Variants in ZNF438 observed in about 807,000 individuals in gnomAD.
ZNF438 encodes zinc finger protein 438.
In ZNF438, 25 loss-of-function variants were observed where a neutral mutation model predicts 38.0. The observed-to-expected ratio is 0.66, with a 90% CI of 0.48 to 0.92. The LOEUF (loss-of-function observed/expected upper bound fraction) is 0.92. Ranked by LOEUF, ZNF438 falls within the 40% of genes least tolerant of loss-of-function variation. The probability of loss-of-function intolerance (pLI) is 0.00; values close to 1 mark genes in which losing one functional copy is unlikely to be tolerated. For synonymous variants in ZNF438, 372 were observed against 364.1 expected, an observed-to-expected ratio of 1.02 and a Z score of -0.25; for missense variants, 1,007 against 999.6, an observed-to-expected ratio of 1.01 and a Z score of -0.10.
chr10:30,861,198 T>C (rs1022318007), intron 4 of ZNF438, among the ~76,000 whole-genome samples: 61 of 152,326 alleles, frequency 4.0e-4, no homozygotes, highest in African/African-American at 1.4e-3. Flanking sequence ...ACATAACCTA[T>C]GCATACCTCC....
intron 3 of ZNF438, among the ~76,000 whole-genome samples, chr10:30,878,818 C>T (rs1016928545): frequency 4.6e-5 from 7 of 152,176 alleles, no homozygotes; most frequent in African/African-American, 1.4e-4. Context: ...TGAACCCACT[C>T]GCTTGCTCAC....
chr10:30,957,049 C>T (rs1456525307), intron 1 of ZNF438, among the ~76,000 whole-genome samples: 1 of 152,138 alleles, frequency 6.6e-6, no homozygotes, highest in African/African-American at 2.4e-5. Context: ...ACATCCTTGC[C>T]AGGACTTGTT....
At chr10:30,975,914 AAC>A (rs2051286424) in intron 1 of ZNF438, among the ~76,000 whole-genome samples, 2 of 152,096 alleles carry the variant, frequency 1.3e-5, no homozygotes, top group Admixed American at 6.5e-5. Context: ...ATAATTTAGT[AAC>A]AGTCTTGAGT....
At position 30,849,624 on chromosome 10, in the gene ZNF438, C is replaced by CT. The variant is rs1163739530; in HGVS notation, c.780dup (p.Glu261ArgfsTer4). 9 of 1,614,016 alleles carry CT rather than the reference C, an allele frequency of 5.6e-6. No individual in the cohort carries two copies. Among genetic ancestry groups the CT allele is most frequent in the Middle Eastern group, 1.6e-4 (1 of 6,084 alleles). On this transcript the variant is annotated frameshift_variant, in exon 5 of 6. Transcript: ENST00000413025. LOFTEE classifies it high-confidence loss of function. ...ATGGTTTTTGCAAGATCAACTTGTT[C>CT]TTTAAATTTTTCACTGGCAACAGCA...
At chr10:30,949,081 G>A (rs2047821096) in intron 1 of ZNF438, among the ~76,000 whole-genome samples, 1 of 152,182 alleles carries the variant, frequency 6.6e-6, no homozygotes, top group South Asian at 2.1e-4. Context: ...CCAGAAGAGA[G>A]TGGGGGCCAA....
Position 31,017,629 on chromosome 10 carries a change from C to T in ZNF438, c.-192+14204G>A, listed in dbSNP as rs186113512. 4.3e-3 allele frequency among the ~76,000 whole-genome samples: 648 copies of T among 152,310 alleles called. 1 individual carries two copies. Among genetic ancestry groups the T allele is most frequent in the Non-Finnish European group, 7.9e-3 (538 of 68,022 alleles). On this transcript the variant is annotated intron_variant, in intron 1 of 5. Transcript: ENST00000413025. ...CTGTTTTATCTGCTGGCCTCTGTGA[C>T]GCAGCCATCGCTCCCTCTCTTCAAC...
At chr10:30,883,493 A>G (rs1283385523) in intron 3 of ZNF438, among the ~76,000 whole-genome samples, 1 of 152,188 alleles carries the variant, frequency 6.6e-6, no homozygotes, top group Non-Finnish European at 1.5e-5. Flanking sequence ...ATTAGGGTAT[A>G]TTTTTATAAT....
intron 1 of ZNF438, among the ~76,000 whole-genome samples, chr10:30,943,967 T>G (rs1279663866): frequency 6.6e-6 from 1 of 152,088 alleles, no homozygotes; most frequent in African/African-American, 2.4e-5. Flanking sequence ...AAGATCAAAG[T>G]TCTAATAACT....
At chr10:30,993,788 C>CT (rs1336531856) in intron 1 of ZNF438, among the ~76,000 whole-genome samples, 1 of 152,246 alleles carries the variant, frequency 6.6e-6, no homozygotes, top group African/African-American at 2.4e-5. Context: ...CCAACTGTAA[C>CT]CTACAAGGGC....
At chr10:30,990,145 G>C (rs1285346223) in intron 1 of ZNF438, among the ~76,000 whole-genome samples, 1 of 152,106 alleles carries the variant, frequency 6.6e-6, no homozygotes, top group Non-Finnish European at 1.5e-5. Flanking sequence ...ACCTTTAAGA[G>C]ATGATAGAGA....
Position 30,944,368 on chromosome 10 carries a change from G to A in ZNF438, c.-191-2717C>T, listed in dbSNP as rs191791950. ...CTCTATAAACAAAACTGACATTTTC[G>A]TTCTTATCTTAAGTCTACTTCTTAA... On this transcript the variant is annotated intron_variant, in intron 1 of 5. Coordinates refer to ENST00000413025, the Ensembl canonical transcript of ZNF438. Among the ~76,000 whole-genome samples, 26 of 152,196 alleles carry A rather than the reference G, an allele frequency of 1.7e-4. No individual in the cohort carries two copies. The Middle Eastern group carries it at 0.017, about 100-fold the overall frequency.
chr10:31,007,476 T>C (rs2055263141), intron 1 of ZNF438, among the ~76,000 whole-genome samples: 1 of 152,040 alleles, frequency 6.6e-6, no homozygotes, highest in Admixed American at 6.5e-5. Context: ...GAGACAGGGT[T>C]TCATCATGTT....
chr10:31,019,133 T>G (rs539900646), intron 1 of ZNF438, among the ~76,000 whole-genome samples: 1 of 152,280 alleles, frequency 6.6e-6, no homozygotes, highest in East Asian at 1.9e-4. Flanking sequence ...CAATCTATTC[T>G]CCATAGTCAT....
chr10:30,858,873 TGA>T (rs1488310412), intron 4 of ZNF438, among the ~76,000 whole-genome samples: 3 of 152,172 alleles, frequency 2.0e-5, no homozygotes, highest in Non-Finnish European at 2.9e-5. Flanking sequence ...CACAGGCCTT[TGA>T]GATTTGTCTT....
At chr10:30,955,934 A>G (rs1289936419) in intron 1 of ZNF438, among the ~76,000 whole-genome samples, 2 of 152,240 alleles carry the variant, frequency 1.3e-5, no homozygotes, top group Non-Finnish European at 2.9e-5. Flanking sequence ...TGCAAAGTTC[A>G]TTATAAGGTA....
chr10:30,855,921 A>G (rs2034543856), intron 4 of ZNF438, among the ~76,000 whole-genome samples: 1 of 152,266 alleles, frequency 6.6e-6, no homozygotes, highest in Non-Finnish European at 1.5e-5. Context: ...CTAAGAAGTC[A>G]GGAATGGGAT....
At chr10:30,845,710 C>G in intron 5 of ZNF438, 137 bp from the exon 7 acceptor site, 2 of 982,634 alleles carry the variant, frequency 2.0e-6, no homozygotes, top group Non-Finnish European at 2.9e-6. Flanking sequence ...ACAGAGAGCA[C>G]CTGGGAAGAC....
intron 3 of ZNF438, among the ~76,000 whole-genome samples, chr10:30,898,576 A>G (rs1204982685): frequency 1.3e-5 from 2 of 152,120 alleles, no homozygotes; most frequent in Non-Finnish European, 2.9e-5. Context: ...TAATACATAC[A>G]TAACTACATA....
chr10:31,008,186 A>AT (rs1476573918), intron 1 of ZNF438, among the ~76,000 whole-genome samples: 1 of 152,238 alleles, frequency 6.6e-6, no homozygotes, highest in Non-Finnish European at 1.5e-5. Flanking sequence ...CTTTTATTTA[A>AT]TGGCCTTACA....
Sources: allele counts gnomAD v4.1 joint callset (sites outside exome capture counted in the v4.1 genomes callset), GRCh38; gene constraint gnomAD v4.1.1; transcripts MANE v1.5; gene names NCBI Gene and HGNC (gene_info 2026-07-23, HGNC 2026-07-21).